The following ADCY2 variants were observed in gnomAD, a reference collection of about 807,000 sequenced individuals.
ADCY2 encodes the protein adenylate cyclase 2.
In ADCY2, 31 loss-of-function variants were observed where a neutral mutation model predicts 125.2. The ratio of observed to expected loss-of-function variants is 0.25; its 90% CI spans 0.19 to 0.33. The LOEUF (loss-of-function observed/expected upper bound fraction) is 0.33. Ranked by LOEUF, ADCY2 falls within the 10% of genes least tolerant of loss-of-function variation. The probability of loss-of-function intolerance (pLI) is 1.00; values close to 1 mark genes in which losing one functional copy is unlikely to be tolerated. For missense variants in ADCY2, 904 were observed against 1,418.2 expected (o/e 0.64, Z 5.82); for synonymous variants, 512 against 548.4 (o/e 0.93, Z 0.93).
rs1740928906 is a variant in ADCY2, at chr5:7,697,378, A to G, written c.982-869A>G. On this transcript the variant is annotated intron_variant, in intron 6 of 24. Transcript: ENST00000338316. The stretch of plus-strand genomic sequence containing the variant: ...AGAGGGGCAGTGTGCCTTCGATATG[A>G]GTTCATGGCTCACAGTTCAATAACG... Among the ~76,000 whole-genome samples the G allele has an allele frequency of 2.6e-5, 4 of 152,108 alleles. No individual in the cohort carries two copies. The South Asian group carries it at 8.3e-4, about 32-fold the overall frequency.
chr5:7,757,951 G>C (rs1407221635), intron 16 of ADCY2, among the ~76,000 whole-genome samples: 1 of 152,124 alleles, frequency 6.6e-6, no homozygotes, highest in East Asian at 1.9e-4. Context: ...CTTGCTCATG[G>C]TGGCCCCTCA....
chr5:7,433,611 A>C (rs57762578), intron 2 of ADCY2, among the ~76,000 whole-genome samples: 7,767 of 152,294 alleles, frequency 0.051, 684 homozygotes, highest in African/African-American at 0.18. Flanking sequence ...CAGTTAGATA[A>C]CTTTTGTTTT....
intron 20 of ADCY2, among the ~76,000 whole-genome samples, chr5:7,791,519 A>G (rs115744792): frequency 0.02 from 3,106 of 152,250 alleles, 52 homozygotes; most frequent in Non-Finnish European, 0.03. Flanking sequence ...TATTCAGGGC[A>G]CAGTGGGCCT....
rs1744620425 is a variant in ADCY2, at chr5:7,802,251, G to A, written c.2662G>A (p.Val888Ile). 5 of 1,613,914 alleles carry A rather than the reference G, an allele frequency of 3.1e-6. No homozygotes were observed. The highest frequency in any genetic ancestry group is 1.7e-5 in the Admixed American group (1 of 60,006). The change falls in exon 21 of 25, where the codon GTC becomes ATC. Residue 888 changes from valine to isoleucine, a missense_variant. By Grantham distance (29) the Val-to-Ile change is conservative. Around this residue, in one of 7 missense-constraint regions of ADCY2, gnomAD observed 181 missense variants for 381.6 expected, o/e 0.47. Coordinates refer to ENST00000338316, the MANE Select transcript of ADCY2 (RefSeq NM_020546.3). The surrounding 1 kb of genome is among the most constrained non-coding windows in gnomAD (Gnocchi z 4.6). ...CCACCAGTCCTATGACTGCGTCTGC[G>A]TCATGTTTGCCTCCATTCCGGATTT... ...LYHQSYDCVC[V>I]MFASIPDFKE... is the part of the protein sequence containing the mutation.
At chr5:7,597,375 G>A (rs1242997456) in intron 3 of ADCY2, among the ~76,000 whole-genome samples, 1 of 152,264 alleles carries the variant, frequency 6.6e-6, no homozygotes. Flanking sequence ...CCAGGGAGCA[G>A]AAGGTTGAGC....
At chr5:7,579,986 C>T (rs1736375030) in intron 3 of ADCY2, among the ~76,000 whole-genome samples, 1 of 152,160 alleles carries the variant, frequency 6.6e-6, no homozygotes, top group Admixed American at 6.6e-5. Context: ...AGGTGGAGGC[C>T]ATGATCCTAA....
At chr5:7,789,008 A>G (rs570588719) in intron 19 of ADCY2, among the ~76,000 whole-genome samples, 1 of 152,342 alleles carries the variant, frequency 6.6e-6, no homozygotes, top group South Asian at 2.1e-4. Context: ...TTTAAAATAC[A>G]TTATATTTTA....
chr5:7,688,443 A>T lies in ADCY2; in HGVS notation c.721-2248A>T, dbSNP rs535408748. On this transcript the variant is annotated intron_variant, in intron 4 of 24. Coordinates refer to ENST00000338316, the MANE Select transcript of ADCY2 (RefSeq NM_020546.3). ...CCACCATGCCCAGCTAATTTTTTTT[A>T]TTTTTAGTAGAGATGGGGTTTCACC... is the stretch of plus-strand genomic sequence containing the variant. Among the ~76,000 whole-genome samples, 149 of 141,164 alleles carry T rather than the reference A, an allele frequency of 1.1e-3. 6 individuals carry two copies. The South Asian group carries it at 0.032, about 31-fold the overall frequency. 92.6% of individuals were successfully genotyped at this position (141,164 alleles called of 152,430 possible).
chr5:7,553,031 G>A (rs1735387099), intron 3 of ADCY2, among the ~76,000 whole-genome samples: 1 of 152,088 alleles, frequency 6.6e-6, no homozygotes, highest in African/African-American at 2.4e-5. Context: ...GTTTCTTTCA[G>A]TGCCCTTTTC....
chr5:7,801,857 T>C, intron 20 of ADCY2: 1 of 193,830 alleles, frequency 5.2e-6, no homozygotes, highest in Middle Eastern at 2.1e-3. Flanking sequence ...TAATGAGTTA[T>C]TTCAGGACAA....
At chr5:7,815,535 A>G (rs1442380611) in intron 22 of ADCY2, among the ~76,000 whole-genome samples, 1 of 152,258 alleles carries the variant, frequency 6.6e-6, no homozygotes, top group East Asian at 1.9e-4. Context: ...GAATTAAATG[A>G]ATTCTACGCA....
At chr5:7,427,931 T>G (rs1418093657) in intron 2 of ADCY2, among the ~76,000 whole-genome samples, 1 of 152,314 alleles carries the variant, frequency 6.6e-6, no homozygotes, top group South Asian at 2.1e-4. Flanking sequence ...CATGGCTCCT[T>G]GTGCTAAATG....
intron 16 of ADCY2, among the ~76,000 whole-genome samples, chr5:7,759,735 G>C (rs1184463129): frequency 6.6e-6 from 1 of 152,198 alleles, no homozygotes; most frequent in Non-Finnish European, 1.5e-5. Flanking sequence ...GGAAACAGCT[G>C]AAGAGGGAAA....
chr5:7,490,331 C>G (rs1176947693), intron 2 of ADCY2, among the ~76,000 whole-genome samples: 11 of 152,096 alleles, frequency 7.2e-5, no homozygotes, highest in Non-Finnish European at 1.5e-4. Context: ...GAGTATTTAA[C>G]TGTTTGTAAT....
At chr5:7,755,153 G>A (rs1235628138) in intron 15 of ADCY2, among the ~76,000 whole-genome samples, 1 of 152,280 alleles carries the variant, frequency 6.6e-6, no homozygotes, top group South Asian at 2.1e-4. Flanking sequence ...TCTGTTGCCG[G>A]TGATCAGATG....
intron 5 of ADCY2, chr5:7,691,353 C>T (rs930034652): frequency 6.6e-6 from 1 of 152,282 alleles, no homozygotes; most frequent in South Asian, 2.1e-4. Flanking sequence ...CACTGATGTG[C>T]ACCTTAGCTA....
At chr5:7,459,509 G>A (rs538038528) in intron 2 of ADCY2, among the ~76,000 whole-genome samples, 2 of 152,210 alleles carry the variant, frequency 1.3e-5, no homozygotes, top group Admixed American at 6.5e-5. Context: ...CTAGTAATTC[G>A]CCTCCAAGCA....
intron 13 of ADCY2, 89 bp from the exon 14 acceptor site, chr5:7,727,075 C>G (rs768759722): frequency 1.1e-6 from 1 of 908,284 alleles, no homozygotes; most frequent in Non-Finnish European, 1.7e-6. Flanking sequence ...GAGTGTGGTG[C>G]ATGCTCTGGG....
chr5:7,586,260 A>C (rs1463662941), intron 3 of ADCY2, among the ~76,000 whole-genome samples: 1 of 152,244 alleles, frequency 6.6e-6, no homozygotes, highest in Non-Finnish European at 1.5e-5. Flanking sequence ...GGATTAATCC[A>C]TGGCAAGCTG....
Sources: allele counts gnomAD v4.1 joint callset (sites outside exome capture counted in the v4.1 genomes callset), GRCh38; gene constraint gnomAD v4.1.1; regional missense constraint gnomAD v4.1.1; non-coding constraint Gnocchi (gnomAD v3.1); transcripts MANE v1.5; gene names NCBI Gene and HGNC (gene_info 2026-07-23, HGNC 2026-07-21).